The following ANO2 variants were observed in gnomAD, a reference collection of about 807,000 sequenced individuals.
The protein encoded by ANO2 is anoctamin-2.
Under a neutral mutation model 124.2 loss-of-function variants are expected in ANO2, and 101 were observed. That is an observed-to-expected ratio of 0.81 (90% confidence interval 0.69 to 0.96). The LOEUF is 0.96. Ranked by LOEUF, ANO2 falls within the 40% of genes least tolerant of loss-of-function variation. ANO2 has a pLI of 0.00. For missense variants in ANO2, 1,293 were observed against 1,274.5 expected, an observed-to-expected ratio of 1.01 and a Z score of -0.22; for synonymous variants, 486 against 482.5, an observed-to-expected ratio of 1.01 and a Z score of -0.09.
intron 7 of ANO2, among the ~76,000 whole-genome samples, chr12:5,809,859 G>A (rs1222054911): frequency 1.3e-5 from 2 of 152,190 alleles, no homozygotes; most frequent in Non-Finnish European, 2.9e-5. Context: ...CAGAAGAGAT[G>A]GCAGCCCTAA....
chr12:5,915,877 G>A (rs762490196), intron 3 of ANO2, among the ~76,000 whole-genome samples: 2 of 152,192 alleles, frequency 1.3e-5, no homozygotes, highest in African/African-American at 2.4e-5. Context: ...ATTCATTCTC[G>A]ATCCTTTTTT....
chr12:5,923,092 A>ACACACACG (rs1491562786), intron 1 of ANO2, among the ~76,000 whole-genome samples: 1 of 10,716 alleles, frequency 9.3e-5, no homozygotes, highest in Non-Finnish European at 7.7e-4. Flanking sequence ...ACACACACAC[A>ACACACACG]CGCACACACA....
At chr12:5,804,378 A>G (rs115496682) in intron 9 of ANO2, among the ~76,000 whole-genome samples, 2,228 of 152,244 alleles carry the variant, frequency 0.015, 53 homozygotes, top group African/African-American at 0.049. Flanking sequence ...GACTTCACGA[A>G]CATTCAGGGA....
intron 3 of ANO2, among the ~76,000 whole-genome samples, chr12:5,869,368 C>G (rs1460916444): frequency 6.6e-6 from 1 of 152,184 alleles, no homozygotes; most frequent in African/African-American, 2.4e-5. Context: ...CAACCAGACT[C>G]TGAGCTCCAT....
At chr12:5,781,723 G>A (rs771146584) in intron 10 of ANO2, among the ~76,000 whole-genome samples, 1 of 151,710 alleles carries the variant, frequency 6.6e-6, no homozygotes, top group African/African-American at 2.4e-5. Flanking sequence ...AGAGGTATAC[G>A]GTCTGCATAA....
intron 10 of ANO2, among the ~76,000 whole-genome samples, chr12:5,770,585 A>G (rs1396075034): frequency 1.3e-5 from 2 of 152,004 alleles, no homozygotes; most frequent in African/African-American, 4.8e-5. Context: ...AATACACCAA[A>G]TCCAACCATG....
At chr12:5,603,944 C>CAA (rs63415160) in intron 19 of ANO2, among the ~76,000 whole-genome samples, 23,711 of 74,072 alleles carry the variant, frequency 0.32, 4,730 homozygotes, top group African/African-American at 0.42. Context: ...GATTCCGTCT[C>CAA]AAAAAAAAAA....
At position 5,682,605 on chromosome 12, in the gene ANO2, C is replaced by T. The variant is rs546327010; in HGVS notation, c.1546-34804G>A. 3.3e-3 allele frequency among the ~76,000 whole-genome samples: 496 copies of T among 152,294 alleles called. 1 individual carries two copies. The highest frequency in any genetic ancestry group is 0.011 in the African/African-American group (472 of 41,558). Reference sequence around the variant, plus strand: ...GAACTTTCTGCCCCCCAGCTCAGGTCATGCCCTGCAAGCCAAGAAATACCA... The same window carrying T: ...GAACTTTCTGCCCCCCAGCTCAGGTTATGCCCTGCAAGCCAAGAAATACCA... On this transcript the variant is annotated intron_variant, in intron 14 of 24. Coordinates refer to ENST00000682330, the MANE Select transcript of ANO2 (RefSeq NM_001364791.2).
intron 10 of ANO2, among the ~76,000 whole-genome samples, chr12:5,759,811 T>A (rs1951688867): frequency 6.6e-6 from 1 of 151,850 alleles, no homozygotes; most frequent in African/African-American, 2.4e-5. Flanking sequence ...GTACTATATA[T>A]AAATTAAATA....
intron 10 of ANO2, among the ~76,000 whole-genome samples, chr12:5,772,466 G>A (rs1373269510): frequency 6.6e-6 from 1 of 152,124 alleles, no homozygotes; most frequent in African/African-American, 2.4e-5. Context: ...CCAGTTAAAT[G>A]TTTAACTCAA....
chr12:5,803,826 C>A (rs1348335093), intron 9 of ANO2, among the ~76,000 whole-genome samples: 1 of 152,180 alleles, frequency 6.6e-6, no homozygotes, highest in African/African-American at 2.4e-5. Flanking sequence ...GCAAGCTGCA[C>A]AATAGCACCA....
chr12:5,784,408 G>C (rs1384942037), intron 10 of ANO2, among the ~76,000 whole-genome samples: 2 of 152,190 alleles, frequency 1.3e-5, no homozygotes, highest in Admixed American at 1.3e-4. Context: ...AGCACCGTCT[G>C]AGCTGGTTCC....
intron 10 of ANO2, among the ~76,000 whole-genome samples, chr12:5,774,625 T>C (rs561052226): frequency 3.3e-5 from 5 of 152,232 alleles, no homozygotes; most frequent in African/African-American, 4.8e-5. Flanking sequence ...TCACGGGCAA[T>C]GTTGGTGTTA....
chr12:5,699,051 A>G (rs548118149), intron 14 of ANO2, among the ~76,000 whole-genome samples: 1 of 152,380 alleles, frequency 6.6e-6, no homozygotes, highest in Non-Finnish European at 1.5e-5. Context: ...TCCCCAACCT[A>G]GCAAGGCAAG....
At chr12:5,813,709 G>C (rs1953507946) in intron 7 of ANO2, among the ~76,000 whole-genome samples, 1 of 152,062 alleles carries the variant, frequency 6.6e-6, no homozygotes, top group Admixed American at 6.6e-5. Flanking sequence ...CCCAAGTCCT[G>C]GCCACACCCC....
intron 16 of ANO2, among the ~76,000 whole-genome samples, chr12:5,628,124 C>T (rs1180822629): frequency 1.3e-5 from 2 of 152,168 alleles, no homozygotes; most frequent in Non-Finnish European, 2.9e-5. Flanking sequence ...GAGAGAGATT[C>T]CTGGTGGCCT....
chr12:5,838,636 G>A (rs932914023), intron 4 of ANO2, among the ~76,000 whole-genome samples: 4 of 152,064 alleles, frequency 2.6e-5, no homozygotes, highest in Non-Finnish European at 5.9e-5. Context: ...CTCCTTCACC[G>A]CAAGGCTCAT....
intron 20 of ANO2, among the ~76,000 whole-genome samples, chr12:5,587,151 T>C (rs189589400): frequency 2.5e-4 from 38 of 152,284 alleles, no homozygotes; most frequent in Admixed American, 2.5e-3. Context: ...AAAACATTCA[T>C]AGAGCACTTA....
chr12:5,682,697 C>T (rs1948550015), intron 14 of ANO2, among the ~76,000 whole-genome samples: 1 of 152,158 alleles, frequency 6.6e-6, no homozygotes, highest in Non-Finnish European at 1.5e-5. Flanking sequence ...CAGAGAAGAA[C>T]TCAGCCATCT....
Sources: allele counts gnomAD v4.1 joint callset (sites outside exome capture counted in the v4.1 genomes callset), GRCh38; gene constraint gnomAD v4.1.1; transcripts MANE v1.5; gene names NCBI Gene and HGNC (gene_info 2026-07-23, HGNC 2026-07-21).